GAS2L3: variants seen among roughly 807,000 people sequenced by gnomAD.
The protein encoded by GAS2L3 is growth arrest specific 2 like 3, also known as GAS2-like protein 3.
Under a neutral mutation model 37.0 loss-of-function variants are expected in GAS2L3, and 28 were observed. That is an observed-to-expected ratio of 0.76 (90% confidence interval 0.56 to 1.04). GAS2L3 has a LOEUF of 1.04. Among genes scored for constraint, GAS2L3 ranks in the 50% least tolerant of loss-of-function variants. The probability of loss-of-function intolerance (pLI) is 0.00; values close to 1 mark genes in which losing one functional copy is unlikely to be tolerated. For missense variants in GAS2L3, 793 were observed against 817.6 expected, an observed-to-expected ratio of 0.97 and a Z score of 0.37; for synonymous variants, 290 against 296.6, an observed-to-expected ratio of 0.98 and a Z score of 0.23.
At position 100,624,883 on chromosome 12, in the gene GAS2L3, G is replaced by A. The variant is rs771722807; in HGVS notation, c.2078G>A (p.Arg693Lys). 2 of 1,567,758 alleles carry A rather than the reference G, an allele frequency of 1.3e-6. No individual in the cohort carries two copies. The highest frequency in any genetic ancestry group is 2.3e-5 in the South Asian group (2 of 86,688). The change falls in exon 10 of 10, where the codon AGA (arginine) becomes AAA (lysine). Residue 693 changes from arginine to lysine, a missense_variant. By Grantham distance (26) the Arg-to-Lys change is conservative (BLOSUM62 2). Transcript: ENST00000547754. ...YFVMTGSKKP[R>K]K ...GTCATGACTGGAAGTAAGAAACCTA[G>A]AAAATAAATACATACTCATTATAAA... is the stretch of plus-strand genomic sequence containing the variant.
chr12:100,612,199 T>TAG, intron 6 of GAS2L3, 58 bp downstream of exon 6: 1 of 1,420,984 alleles, frequency 7.0e-7, no homozygotes, highest in Non-Finnish European at 9.8e-7. Context: ...TTTAATATCC[T>TAG]TCACCTCTAA....
At chr12:100,614,812 C>T (rs1341434223) in intron 6 of GAS2L3, among the ~76,000 whole-genome samples, 1 of 152,164 alleles carries the variant, frequency 6.6e-6, no homozygotes, top group Non-Finnish European at 1.5e-5. Context: ...TTAGTTAGCA[C>T]AGTGGTTCAT....
intron 1 of GAS2L3, among the ~76,000 whole-genome samples, chr12:100,586,482 T>C (rs987048927): frequency 2.6e-5 from 4 of 152,170 alleles, no homozygotes; most frequent in East Asian, 1.9e-4. Flanking sequence ...TGAATGAGCA[T>C]TGGGTCAAAA....
At chr12:100,579,868 A>C in intron 1 of GAS2L3, 1 of 747,676 alleles carries the variant, frequency 1.3e-6, no homozygotes, top group South Asian at 1.5e-5. Context: ...GCTCCAGAAA[A>C]TATCCGTAAC....
At chr12:100,593,365 CAAG>C (rs1320414457) in intron 2 of GAS2L3, among the ~76,000 whole-genome samples, 1 of 152,000 alleles carries the variant, frequency 6.6e-6, no homozygotes, top group Non-Finnish European at 1.5e-5. Context: ...TTCTGTTATG[CAAG>C]AAGGATGATT....
chr12:100,602,175 A>G (rs567539229), intron 5 of GAS2L3, among the ~76,000 whole-genome samples: 17 of 152,286 alleles, frequency 1.1e-4, no homozygotes, highest in South Asian at 6.2e-4. Context: ...GGTTCCTGGC[A>G]CACAAGTAGC....
At chr12:100,595,757 A>G (rs1452536878) in intron 3 of GAS2L3, among the ~76,000 whole-genome samples, 1 of 152,000 alleles carries the variant, frequency 6.6e-6, no homozygotes, top group Non-Finnish European at 1.5e-5. Flanking sequence ...TGGTGAGGAT[A>G]ATAGTGATTA....
At chr12:100,606,157 T>A (rs1956054137) in intron 5 of GAS2L3, among the ~76,000 whole-genome samples, 1 of 152,066 alleles carries the variant, frequency 6.6e-6, no homozygotes, top group Admixed American at 6.6e-5. Context: ...TTGCTTTATT[T>A]ATCTGAGCGC....
chr12:100,593,931 G>A (rs1955878060), intron 2 of GAS2L3: 1 of 151,958 alleles, frequency 6.6e-6, no homozygotes, highest in African/African-American at 2.4e-5. Context: ...TTTAGCTCAG[G>A]TTCAACTTTG....
chr12:100,588,964 A>G (rs1230441070), intron 1 of GAS2L3, among the ~76,000 whole-genome samples: 1 of 152,100 alleles, frequency 6.6e-6, no homozygotes, highest in Non-Finnish European at 1.5e-5. Context: ...AGGTGCACTG[A>G]TTTCATATTG....
At chr12:100,600,584 T>C in intron 4 of GAS2L3, 34 bp downstream of exon 4, 1 of 1,506,412 alleles carries the variant, frequency 6.6e-7, no homozygotes, top group Admixed American at 1.7e-5. Flanking sequence ...AATTGTATTA[T>C]CTTATTCAAT....
At chr12:100,591,878 T>A (rs1266612924) in intron 2 of GAS2L3, 22 bp downstream of exon 2, 2 of 152,126 alleles carry the variant, frequency 1.3e-5, no homozygotes, top group Non-Finnish European at 2.9e-5. Flanking sequence ...TAGTACACAT[T>A]AAGAAATACA....
chr12:100,618,822 A>G (rs891588552), intron 8 of GAS2L3: 4 of 417,952 alleles, frequency 9.6e-6, no homozygotes, highest in African/African-American at 8.3e-5. Context: ...GGTGGGGCAA[A>G]CAGATTGGAA....
chr12:100,610,201 T>C (rs1465868177), intron 5 of GAS2L3, among the ~76,000 whole-genome samples: 1 of 152,176 alleles, frequency 6.6e-6, no homozygotes, highest in African/African-American at 2.4e-5. Context: ...TTTATGAAAG[T>C]GATAGTACAA....
chr12:100,618,546 A>G lies in GAS2L3; in HGVS notation c.607A>G (p.Ile203Val). The G allele has an allele frequency of 1.9e-6, 3 of 1,612,478 alleles. No homozygotes were observed. The highest frequency in any genetic ancestry group is 2.5e-6 in the Non-Finnish European group (3 of 1,179,320). The stretch of plus-strand genomic sequence containing the variant: ...TTCTGGGCCTGAAGATTCCATCAGC[A>G]TTCCAAAATCATGCTGTCGGCATGA... ...NTSGPEDSIS[I>V]PKSCCRHEEL... The change falls in exon 8 of 10, where the codon ATT becomes GTT. Residue 203 changes from isoleucine (I) to valine (V), a missense_variant. Transcript: ENST00000547754.
At chr12:100,599,609 C>T (rs1955958632) in intron 3 of GAS2L3, among the ~76,000 whole-genome samples, 1 of 152,180 alleles carries the variant, frequency 6.6e-6, no homozygotes, top group African/African-American at 2.4e-5. Context: ...AAAGATAACA[C>T]TGTTATTATG....
chr12:100,599,204 A>G (rs184890624), intron 3 of GAS2L3, among the ~76,000 whole-genome samples: 1 of 152,278 alleles, frequency 6.6e-6, no homozygotes, highest in Non-Finnish European at 1.5e-5. Context: ...AGGACAAGAG[A>G]TATTTATATC....
chr12:100,583,029 C>T (rs996745793), intron 1 of GAS2L3, among the ~76,000 whole-genome samples: 1 of 152,222 alleles, frequency 6.6e-6, no homozygotes, highest in Non-Finnish European at 1.5e-5. Flanking sequence ...CTGCATCCCT[C>T]TTGTTTTTCT....
chr12:100,620,432 G>T (rs1956239154), intron 8 of GAS2L3, among the ~76,000 whole-genome samples: 1 of 151,894 alleles, frequency 6.6e-6, no homozygotes, highest in Non-Finnish European at 1.5e-5. Flanking sequence ...AAAATCAGAA[G>T]AAATCATTTC....
Sources: allele counts gnomAD v4.1 joint callset (sites outside exome capture counted in the v4.1 genomes callset), GRCh38; gene constraint gnomAD v4.1.1; transcripts MANE v1.5; gene names NCBI Gene and HGNC (gene_info 2026-07-23, HGNC 2026-07-21).